Variants in DLGAP4 observed in about 807,000 individuals in gnomAD.
DLGAP4 encodes DLG associated protein 4.
A neutral mutation model predicts 86.9 loss-of-function variants in DLGAP4; 18 were observed. The observed-to-expected ratio is 0.21, with a 90% CI of 0.14 to 0.31. The LOEUF (loss-of-function observed/expected upper bound fraction) is 0.31. Ranked by LOEUF, DLGAP4 falls within the 10% of genes least tolerant of loss-of-function variation. DLGAP4 has a pLI of 1.00. For missense variants in DLGAP4, 1,085 were observed against 1,362.6 expected (o/e 0.80, Z 3.21); for synonymous variants, 548 against 574.3 (o/e 0.95, Z 0.65).
chr20:36,409,951 A>G (rs535312277), intron 2 of DLGAP4, among the ~76,000 whole-genome samples: 31 of 148,020 alleles, frequency 2.1e-4, no homozygotes, highest in East Asian at 2.1e-3. Flanking sequence ...GGAGAATGGC[A>G]TGAACCCGGG....
chr20:36,308,279 C>T lies in DLGAP4; in HGVS notation c.-304+1767C>T, dbSNP rs899736192. 9.9e-5 allele frequency among the ~76,000 whole-genome samples: 15 copies of T among 152,214 alleles called. No individual in the cohort carries two copies. The highest frequency in any genetic ancestry group is 3.6e-4 in the African/African-American group (15 of 41,452). On this transcript the variant is annotated intron_variant, in intron 1 of 12. Transcript: ENST00000339266. The surrounding 1 kb of genome is among the most constrained non-coding windows in gnomAD (Gnocchi z 4.5). ...CTCACCTGCCAGAGGCCTGGTGAGG[C>T]CTGTGCTGGGCGCTGGGGAGTGCAA...
intron 2 of DLGAP4, among the ~76,000 whole-genome samples, chr20:36,375,444 C>T (rs1294044267): frequency 6.6e-6 from 1 of 152,186 alleles, no homozygotes; most frequent in Non-Finnish European, 1.5e-5. Context: ...CATTCATCCC[C>T]ACACTCCACA....
chr20:36,445,073 G>A (rs1226737608), intron 6 of DLGAP4, among the ~76,000 whole-genome samples: 15 of 152,096 alleles, frequency 9.9e-5, no homozygotes, highest in Admixed American at 9.8e-4. Context: ...TGGGACTTGA[G>A]GTGCATGCTA....
At chr20:36,331,944 G>C (rs922468655) in intron 1 of DLGAP4, among the ~76,000 whole-genome samples, 18 of 151,836 alleles carry the variant, frequency 1.2e-4, no homozygotes, top group African/African-American at 4.4e-4. Context: ...TTGTGCTGGC[G>C]GACATGTTCA....
In DLGAP4 at chr20:36,500,099, C is replaced by A; in HGVS notation, c.2100-100C>A. ...TGGTGAGCAGATGATGCATCCGTTT[C>A]TCTGTCTCCCGTGTGTCCGGGTCAA... is the stretch of plus-strand genomic sequence containing the variant. On this transcript the variant is annotated intron_variant, in intron 9 of 12. Coordinates refer to ENST00000339266, the MANE Select transcript of DLGAP4 (RefSeq NM_001365621.2). The surrounding 1 kb of genome is among the most constrained non-coding windows in gnomAD (Gnocchi z 4.6). 7.5e-7 allele frequency: 1 copy of A among 1,338,432 alleles called. No individual in the cohort carries two copies. Among genetic ancestry groups the A allele is most frequent in the Non-Finnish European group, 1.0e-6 (1 of 981,064 alleles). 82.9% of individuals were successfully genotyped at this position (1,338,432 alleles called of 1,614,324 possible). A position where few individuals can be genotyped will look rare whatever the true frequency, so the allele number is the denominator to read the frequency against.
chr20:36,360,630 G>A (rs1423465525), intron 1 of DLGAP4, among the ~76,000 whole-genome samples: 2 of 151,940 alleles, frequency 1.3e-5, no homozygotes, highest in Admixed American at 6.6e-5. Context: ...TGAGTAGCTG[G>A]AAGGGTGGGG....
At chr20:36,352,842 G>A (rs922083026) in intron 1 of DLGAP4, among the ~76,000 whole-genome samples, 12 of 152,128 alleles carry the variant, frequency 7.9e-5, no homozygotes, top group Non-Finnish European at 1.0e-4. Flanking sequence ...TGTGGGTGAC[G>A]GGAAGCATGT....
intron 2 of DLGAP4, among the ~76,000 whole-genome samples, chr20:36,430,282 T>C (rs902377950): frequency 1.3e-5 from 2 of 152,190 alleles, no homozygotes; most frequent in Non-Finnish European, 2.9e-5. Flanking sequence ...GAGAGCTCTA[T>C]TCCAGGCCAT....
chr20:36,332,255 C>A (rs909685731), intron 1 of DLGAP4, among the ~76,000 whole-genome samples: 3 of 152,158 alleles, frequency 2.0e-5, no homozygotes, highest in Non-Finnish European at 4.4e-5. Flanking sequence ...GAGTCCTTCC[C>A]AGCCTTTGAG....
intron 1 of DLGAP4, among the ~76,000 whole-genome samples, chr20:36,333,237 A>T (rs1012377579): frequency 6.6e-6 from 1 of 151,910 alleles, no homozygotes; most frequent in African/African-American, 2.4e-5. Flanking sequence ...AGGGCAGCAT[A>T]CTCATCCTGC....
At chr20:36,381,493 G>A (rs914731412) in intron 2 of DLGAP4, among the ~76,000 whole-genome samples, 3 of 152,238 alleles carry the variant, frequency 2.0e-5, no homozygotes, top group African/African-American at 7.2e-5. Context: ...TAGAGAAAGT[G>A]GGTGACACAT....
chr20:36,417,051 T>A lies in DLGAP4; in HGVS notation c.-72-14595T>A, dbSNP rs1318453179. ...GCTCACAGAGCGCGGGAGGCACTAA[T>A]CAAGTATGTGAGGAGCCAAGCAGGA... is the stretch of plus-strand genomic sequence containing the variant. On this transcript the variant is annotated intron_variant, in intron 2 of 12. Transcript: ENST00000339266. 2.0e-5 allele frequency among the ~76,000 whole-genome samples: 3 copies of A among 152,246 alleles called. No individual in the cohort carries two copies. In the East Asian group the frequency reaches 5.8e-4, roughly 29 times the overall value.
intron 1 of DLGAP4, among the ~76,000 whole-genome samples, chr20:36,352,519 C>T (rs1446776928): frequency 6.6e-6 from 1 of 151,952 alleles, no homozygotes; most frequent in Non-Finnish European, 1.5e-5. Flanking sequence ...GCAGGATTTC[C>T]TGGAGGACTG....
intron 7 of DLGAP4, chr20:36,462,076 T>C: frequency 1.0e-6 from 1 of 991,756 alleles, no homozygotes; most frequent in Non-Finnish European, 1.2e-6. Flanking sequence ...TTGGGGGTTC[T>C]GCACCCCAAG....
intron 1 of DLGAP4, among the ~76,000 whole-genome samples, chr20:36,319,404 G>T (rs2065143923): frequency 6.6e-6 from 1 of 152,188 alleles, no homozygotes; most frequent in South Asian, 2.1e-4. Context: ...CAAGGACTGA[G>T]GACAGAGCCT....
intron 7 of DLGAP4, among the ~76,000 whole-genome samples, chr20:36,477,577 G>T (rs2035003446): frequency 6.6e-6 from 1 of 152,172 alleles, no homozygotes; most frequent in African/African-American, 2.4e-5. Flanking sequence ...ATGGGATGAG[G>T]AAGGCTGTGG....
intron 12 of DLGAP4, 71 bp downstream of exon 12, chr20:36,526,077 G>A (rs775228354): frequency 5.7e-5 from 92 of 1,604,368 alleles, no homozygotes; most frequent in Non-Finnish European, 7.5e-5. Flanking sequence ...TGCCCACATC[G>A]GTCAGTGCTG....
At chr20:36,450,253 T>C (rs1200705687) in intron 7 of DLGAP4, among the ~76,000 whole-genome samples, 1 of 152,040 alleles carries the variant, frequency 6.6e-6, no homozygotes. Flanking sequence ...ATCCCAGCAC[T>C]TTGGGAGGCC....
rs8123140 is a variant in DLGAP4 at position 36,338,679 on chromosome 20, G to A, written c.-303-28366G>A. Among the ~76,000 whole-genome samples the A allele has an allele frequency of 7.7e-3, 1,177 of 152,372 alleles. 13 individuals are homozygous for A. Among genetic ancestry groups the A allele is most frequent in the African/African-American group, 0.025 (1,052 of 41,586 alleles). On this transcript the variant is annotated intron_variant, in intron 1 of 12. Transcript: ENST00000339266. ...GACTGGCCTCTGTCCTTGGGGAGCC[G>A]TCGGTCCAGTAGGGGAGTCAACAAA...
Sources: allele counts gnomAD v4.1 joint callset (sites outside exome capture counted in the v4.1 genomes callset), GRCh38; gene constraint gnomAD v4.1.1; non-coding constraint Gnocchi (gnomAD v3.1); transcripts MANE v1.5; gene names NCBI Gene and HGNC (gene_info 2026-07-23, HGNC 2026-07-21).